Variants in DBF4 observed in about 807,000 individuals in gnomAD.
DBF4 encodes DBF4-CDC7 kinase regulatory subunit, also known as protein DBF4 homolog A.
A neutral mutation model predicts 76.6 loss-of-function variants in DBF4; 25 were observed. That is an observed-to-expected ratio of 0.33 (90% CI 0.24 to 0.46). The LOEUF (loss-of-function observed/expected upper bound fraction) is 0.46. Among genes scored for constraint, DBF4 ranks in the 20% least tolerant of loss-of-function variants. The pLI is 1.00. For synonymous variants in DBF4, 213 were observed against 258.0 expected, an observed-to-expected ratio of 0.83 and a Z score of 1.67; for missense variants, 638 against 760.8, an observed-to-expected ratio of 0.84 and a Z score of 1.90.
In DBF4 at chr7:87,908,832, A is replaced by T. The variant is rs946971576; in HGVS notation, c.*669A>T. The T allele has an allele frequency of 2.0e-5, 3 of 152,246 alleles. No homozygotes were observed. The highest frequency in any genetic ancestry group is 1.3e-4 in the Admixed American group (2 of 15,288). 9.4% of individuals were successfully genotyped at this position (152,246 alleles called of 1,614,324 possible). The stretch of plus-strand genomic sequence containing the variant: ...CCTGTGGCTCATGCCACAGGATCCC[A>T]GCACTTTGGGAGGCCGAGGCAGGCT... On this transcript the variant is annotated 3_prime_UTR_variant, in exon 12 of 12. Transcript: ENST00000265728.
At chr7:87,898,415 G>A (rs1839692014) in intron 8 of DBF4, among the ~76,000 whole-genome samples, 1 of 152,128 alleles carries the variant, frequency 6.6e-6, no homozygotes, top group South Asian at 2.1e-4. Context: ...TCCCAATGAT[G>A]TTTTTTGCAG....
chr7:87,892,809 T>C (rs1445649101), intron 6 of DBF4, among the ~76,000 whole-genome samples: 1 of 152,226 alleles, frequency 6.6e-6, no homozygotes, highest in African/African-American at 2.4e-5. Context: ...GTGGGGTTAC[T>C]TTTATCATTT....
intron 2 of DBF4, among the ~76,000 whole-genome samples, chr7:87,883,451 AG>A (rs1468587528): frequency 6.6e-6 from 1 of 152,176 alleles, no homozygotes; most frequent in Non-Finnish European, 1.5e-5. Flanking sequence ...AAAAGTGTAT[AG>A]GAGATCGGGT....
chr7:87,897,403 A>T, intron 8 of DBF4, 64 bp downstream of exon 8: 4 of 1,475,376 alleles, frequency 2.7e-6, no homozygotes, highest in Non-Finnish European at 3.8e-6. Flanking sequence ...TCACCTAACT[A>T]ATTAGGCTAG....
At chr7:87,881,694 T>A (rs1839216791) in intron 2 of DBF4, among the ~76,000 whole-genome samples, 1 of 152,188 alleles carries the variant, frequency 6.6e-6, no homozygotes, top group Non-Finnish European at 1.5e-5. Context: ...GATACAAAAA[T>A]AAGTAAAATA....
intron 2 of DBF4, among the ~76,000 whole-genome samples, chr7:87,878,961 G>A (rs1385240395): frequency 6.6e-6 from 1 of 152,070 alleles, no homozygotes; most frequent in African/African-American, 2.4e-5. Flanking sequence ...TTTATTTTGA[G>A]ACGGAGTCTC....
At chr7:87,904,576 C>T (rs1008132233) in intron 11 of DBF4, among the ~76,000 whole-genome samples, 160 bp downstream of exon 11, 5 of 151,814 alleles carry the variant, frequency 3.3e-5, no homozygotes, top group African/African-American at 1.2e-4. Flanking sequence ...CCCATCTCTA[C>T]TAAAAAAATA....
At chr7:87,900,959 G>A in intron 10 of DBF4, 81 bp downstream of exon 10, 1 of 1,169,586 alleles carries the variant, frequency 8.6e-7, no homozygotes, top group South Asian at 1.4e-5. Context: ...TTATTCTGAT[G>A]CAGATATTTT....
chr7:87,896,589 A>T (rs1839645191), intron 7 of DBF4, 79 bp downstream of exon 7: 2 of 1,251,862 alleles, frequency 1.6e-6, no homozygotes, highest in South Asian at 1.3e-5. Context: ...CATATAAACC[A>T]CCCTCTAAAT....
chr7:87,899,915 A>G (rs1488355439), intron 8 of DBF4, among the ~76,000 whole-genome samples: 3 of 152,200 alleles, frequency 2.0e-5, no homozygotes, highest in Non-Finnish European at 2.9e-5. Context: ...TTGCAAGATG[A>G]AAATACGTCA....
chr7:87,887,241 A>G, intron 4 of DBF4, 88 bp from the exon 5 acceptor site: 1 of 1,089,774 alleles, frequency 9.2e-7, no homozygotes, highest in Non-Finnish European at 1.3e-6. Context: ...CCTTAGTGAC[A>G]TTAAACTTCA....
intron 6 of DBF4, 88 bp downstream of exon 6, chr7:87,888,147 T>C: frequency 1.4e-6 from 2 of 1,430,910 alleles, no homozygotes; most frequent in Non-Finnish European, 1.8e-6. Flanking sequence ...GCAGAAAATA[T>C]CCTAGGGGCA....
intron 2 of DBF4, among the ~76,000 whole-genome samples, chr7:87,879,049 T>C (rs1839143374): frequency 6.6e-6 from 1 of 152,188 alleles, no homozygotes; most frequent in Non-Finnish European, 1.5e-5. Context: ...TTCAAGTGAT[T>C]CTTGTGCCTC....
chr7:87,903,689 CTTTT>C (rs56740998), intron 10 of DBF4, among the ~76,000 whole-genome samples: 8 of 98,104 alleles, frequency 8.2e-5, no homozygotes, highest in Non-Finnish European at 1.6e-4. Context: ...CTCTGTATCC[CTTTT>C]TTTTTTTTTT....
rs947833515 is a variant in DBF4, at chr7:87,876,725, C to T, written c.-8C>T. The T allele has an allele frequency of 6.2e-7, 1 of 1,614,068 alleles. No individual in the cohort carries two copies. The highest frequency in any genetic ancestry group is 1.1e-5 in the South Asian group (1 of 91,084). On this transcript the variant is annotated 5_prime_UTR_variant, in exon 1 of 12. Coordinates refer to ENST00000265728, the MANE Select transcript of DBF4 (RefSeq NM_006716.4). ...CCGGACCCAGCATGTAGGTGCCGGG[C>T]GACTGCCATGAACTCCGGAGCCATG...
At position 87,907,539 on chromosome 7, in the gene DBF4, C is replaced by A. The variant is rs1171842110; in HGVS notation, c.1401C>A (p.His467Gln). ...AATGCATTCTTGACATTTCCGAACA[C>A]ACATTAAGTGAAAATGACTTAGAAG... ...KQECILDISE[H>Q]TLSENDLEEL... Residue 467 changes from histidine (H) to glutamine (Q), a missense_variant, in exon 12 of 12, where the codon CAC (histidine) becomes CAA (glutamine). By Grantham distance (24) the His-to-Gln change is conservative. Coordinates refer to ENST00000265728, the MANE Select transcript of DBF4 (RefSeq NM_006716.4). 3.1e-6 allele frequency: 5 copies of A among 1,613,928 alleles called. No individual in the cohort carries two copies. The Admixed American group carries it at 5.0e-5, about 16-fold the overall frequency.
chr7:87,906,300 G>T (rs972144645), intron 11 of DBF4, among the ~76,000 whole-genome samples: 1 of 151,278 alleles, frequency 6.6e-6, no homozygotes, highest in African/African-American at 2.4e-5. Context: ...AAACATCTTG[G>T]ACTTAAAAGC....
At position 87,908,240 on chromosome 7, in the gene DBF4, T is replaced by C. The variant is rs572869162; in HGVS notation, c.*77T>C. Reference sequence around the variant, plus strand: ...TTTTTATAAATATGTATGGAAATTCTTAGGATTTTTTTACCAGCTTTGTTT... The same window carrying C: ...TTTTTATAAATATGTATGGAAATTCCTAGGATTTTTTTACCAGCTTTGTTT... On this transcript the variant is annotated 3_prime_UTR_variant, in exon 12 of 12. Coordinates refer to ENST00000265728, the MANE Select transcript of DBF4 (RefSeq NM_006716.4). The C allele has an allele frequency of 7.5e-7, 1 of 1,327,964 alleles. No individual in the cohort carries two copies. Among genetic ancestry groups the C allele is most frequent in the South Asian group, 2.1e-5 (1 of 47,762 alleles). 82.3% of individuals were successfully genotyped at this position (1,327,964 alleles called of 1,614,324 possible). A position where few individuals can be genotyped will look rare whatever the true frequency, so the allele number is the denominator to read the frequency against.
intron 11 of DBF4, among the ~76,000 whole-genome samples, chr7:87,905,078 G>A (rs1308409079): frequency 2.0e-5 from 3 of 152,184 alleles, no homozygotes; most frequent in South Asian, 4.1e-4. Flanking sequence ...AGCCTCCTGA[G>A]TAGTTGGGAT....
Sources: allele counts gnomAD v4.1 joint callset (sites outside exome capture counted in the v4.1 genomes callset), GRCh38; gene constraint gnomAD v4.1.1; transcripts MANE v1.5; gene names NCBI Gene and HGNC (gene_info 2026-07-23, HGNC 2026-07-21).